Variants in ZC3H18 observed in about 807,000 individuals in gnomAD.
The protein encoded by ZC3H18 is zinc finger CCCH-type containing 18.
ZC3H18 carries 8 observed loss-of-function variants against 106.1 expected under a neutral mutation model. The observed-to-expected ratio is 0.08, with a 90% CI of 0.04 to 0.14. The LOEUF (loss-of-function observed/expected upper bound fraction) is 0.14. Ranked by LOEUF, ZC3H18 falls within the 10% of genes least tolerant of loss-of-function variation. The pLI, the probability that ZC3H18 is intolerant of heterozygous loss-of-function variation, is 1.00. For synonymous variants in ZC3H18, 635 were observed against 522.1 expected, an observed-to-expected ratio of 1.22 and a Z score of -2.95; for missense variants, 1,318 against 1,278.4, an observed-to-expected ratio of 1.03 and a Z score of -0.47.
At chr16:88,591,566 C>T (rs1915753107) in intron 3 of ZC3H18, among the ~76,000 whole-genome samples, 1 of 149,966 alleles carries the variant, frequency 6.7e-6, no homozygotes, top group Non-Finnish European at 1.5e-5. Context: ...AACGAGACTC[C>T]GTCTCCAAAA....
Position 88,623,997 on chromosome 16 carries a change from A to G in ZC3H18, c.1833A>G (p.Thr611=), listed in dbSNP as rs1275508315. ...SFSSSPSPSP[T]PSPHRPSIRT... is the part of the protein sequence containing the mutation. ...CTTCGTCCCCGTCCCCGTCCCCAAC[A>G]CCTTCCCCACATAGACCTTCCATCA... Residue 611 remains threonine, a synonymous_variant, in exon 11 of 18, where the codon ACA becomes ACG. Coordinates refer to ENST00000301011, the MANE Select transcript of ZC3H18 (RefSeq NM_144604.4). 2 of 1,612,874 alleles carry G rather than the reference A, an allele frequency of 1.2e-6. No individual in the cohort carries two copies. The highest frequency in any genetic ancestry group is 2.7e-5 in the African/African-American group (2 of 74,624).
At chr16:88,615,882 G>T (rs944464783) in intron 8 of ZC3H18, among the ~76,000 whole-genome samples, 15 of 152,218 alleles carry the variant, frequency 9.9e-5, no homozygotes, top group Non-Finnish European at 1.9e-4. Flanking sequence ...TGTTTTCTGT[G>T]TACAAGAATG....
At chr16:88,583,935 G>T (rs1213413150) in intron 2 of ZC3H18, among the ~76,000 whole-genome samples, 1 of 152,144 alleles carries the variant, frequency 6.6e-6, no homozygotes, top group South Asian at 2.1e-4. Flanking sequence ...CAGGAGACCC[G>T]GAGTTCCTGC....
At chr16:88,601,380 CT>C (rs1284778348) in intron 6 of ZC3H18, among the ~76,000 whole-genome samples, 1 of 152,176 alleles carries the variant, frequency 6.6e-6, no homozygotes, top group African/African-American at 2.4e-5. Context: ...ACAGAGGTCT[CT>C]ATAAATATGT....
intron 2 of ZC3H18, among the ~76,000 whole-genome samples, chr16:88,584,560 A>C (rs751912990): frequency 1.7e-4 from 26 of 152,212 alleles, no homozygotes; most frequent in Non-Finnish European, 3.7e-4. Context: ...TTTAACTGAA[A>C]GGGGCCATAA....
chr16:88,605,121 G>A (rs777951408), intron 6 of ZC3H18, among the ~76,000 whole-genome samples: 2 of 152,246 alleles, frequency 1.3e-5, no homozygotes, highest in Non-Finnish European at 2.9e-5. Flanking sequence ...TGTCCCAGAT[G>A]CTTAACTGAG....
At chr16:88,596,822 G>A (rs992757849) in intron 3 of ZC3H18, among the ~76,000 whole-genome samples, 1 of 152,224 alleles carries the variant, frequency 6.6e-6, no homozygotes, top group African/African-American at 2.4e-5. Flanking sequence ...GTAGTGTGTT[G>A]AGTCTCAGAT....
In ZC3H18 at chr16:88,574,609, C is replaced by T. The variant is rs148536626; in HGVS notation, c.-14-2501C>T. On this transcript the variant is annotated intron_variant, in intron 1 of 17. Coordinates refer to ENST00000301011, the MANE Select transcript of ZC3H18 (RefSeq NM_144604.4). ...CCTCAACCTCCTAGGATCAGGTGAT[C>T]CTCCTATCTCAGCCTCCCAAGTAGC... Among the ~76,000 whole-genome samples, 731 of 150,552 alleles carry T rather than the reference C, an allele frequency of 4.9e-3. 7 individuals carry two copies. Among genetic ancestry groups the T allele is most frequent in the Non-Finnish European group, 6.5e-3 (440 of 67,462 alleles).
At chr16:88,588,824 T>C (rs967786449) in intron 3 of ZC3H18, among the ~76,000 whole-genome samples, 8 of 151,794 alleles carry the variant, frequency 5.3e-5, no homozygotes, top group African/African-American at 1.7e-4. Flanking sequence ...AAGTTGAGGC[T>C]GCAGTTGTGC....
intron 5 of ZC3H18, 109 bp from the exon 6 acceptor site, chr16:88,599,682 C>G (rs901181096): frequency 7.6e-6 from 10 of 1,318,056 alleles, no homozygotes; most frequent in South Asian, 1.4e-5. Context: ...CGTGCAGCTC[C>G]TGCTCCTGCA....
At chr16:88,597,251 A>T (rs1463590177) in intron 3 of ZC3H18, among the ~76,000 whole-genome samples, 2 of 152,184 alleles carry the variant, frequency 1.3e-5, no homozygotes, top group Non-Finnish European at 2.9e-5. Context: ...TCATTTTTGC[A>T]TTTCCAGAGA....
chr16:88,600,812 C>T (rs753045073), intron 6 of ZC3H18, among the ~76,000 whole-genome samples: 5 of 152,214 alleles, frequency 3.3e-5, no homozygotes, highest in Non-Finnish European at 5.9e-5. Context: ...ATATAAAGTG[C>T]TGTTTTCCTC....
chr16:88,623,123 G>A lies in ZC3H18; in HGVS notation c.1668-96G>A, dbSNP rs544518639. ...GCTGTGCGCTTGTGTGTAGCTGTGC[G>A]TCTGTGGGTGTGTAGCTGTGCATGT... On this transcript the variant is annotated intron_variant, in intron 9 of 17. Coordinates refer to ENST00000301011, the MANE Select transcript of ZC3H18 (RefSeq NM_144604.4). 4.2e-4 allele frequency: 631 copies of A among 1,510,128 alleles called. 3 individuals are homozygous for A. Among genetic ancestry groups the A allele is most frequent in the African/African-American group, 1.1e-4 (8 of 72,740 alleles). 93.5% of individuals were successfully genotyped at this position (1,510,128 alleles called of 1,614,324 possible).
At chr16:88,612,810 G>A (rs1012754897) in intron 8 of ZC3H18, among the ~76,000 whole-genome samples, 10 of 151,980 alleles carry the variant, frequency 6.6e-5, no homozygotes, top group African/African-American at 2.4e-4. Flanking sequence ...AGATCAGCCT[G>A]GGCAACATGG....
chr16:88,589,239 G>A (rs1331991451), intron 3 of ZC3H18, among the ~76,000 whole-genome samples: 5 of 152,226 alleles, frequency 3.3e-5, no homozygotes, highest in Non-Finnish European at 4.4e-5. Flanking sequence ...GTAAAACGGT[G>A]CAGCTGCTTT....
chr16:88,576,969 C>A, intron 1 of ZC3H18, 141 bp from the exon 2 acceptor site: 1 of 776,426 alleles, frequency 1.3e-6, no homozygotes, highest in Non-Finnish European at 2.0e-6. Context: ...TCTTTCTCTG[C>A]AGAGTGGAGT....
Position 88,631,276 on chromosome 16 carries a change from G to GCCAAGAT in ZC3H18, c.2842_2848dup (p.Pro950GlnfsTer22). 1 of 1,595,708 alleles carries GCCAAGAT rather than the reference G, an allele frequency of 6.3e-7. No individual in the cohort carries two copies. Among genetic ancestry groups the GCCAAGAT allele is most frequent in the Non-Finnish European group, 8.5e-7 (1 of 1,171,614 alleles). ...GGAGGATGCTATTGCACGCAAGCGG[G>GCCAAGAT]CCAAGATCCCCGGGAAAGCATAGGC... On this transcript the variant is annotated frameshift_variant, in exon 18 of 18. Transcript: ENST00000301011.
At chr16:88,624,478 G>GCA (rs1906169709) in intron 11 of ZC3H18, 124 bp from the exon 12 acceptor site, 5 of 1,330,570 alleles carry the variant, frequency 3.8e-6, no homozygotes, top group Non-Finnish European at 5.2e-6. Context: ...AGGCACGAGC[G>GCA]TGCTCACCGA....
chr16:88,616,029 C>T (rs368825132), intron 8 of ZC3H18, among the ~76,000 whole-genome samples: 7 of 152,192 alleles, frequency 4.6e-5, no homozygotes, highest in African/African-American at 1.7e-4. Context: ...TGCTCAGCCT[C>T]CCCAGAGGAA....
Sources: allele counts gnomAD v4.1 joint callset (sites outside exome capture counted in the v4.1 genomes callset), GRCh38; gene constraint gnomAD v4.1.1; transcripts MANE v1.5; gene names NCBI Gene and HGNC (gene_info 2026-07-23, HGNC 2026-07-21).